SLC25A28: variants seen among roughly 807,000 people sequenced by gnomAD.
The protein encoded by SLC25A28 is solute carrier family 25 member 28.
Under a neutral mutation model 31.9 loss-of-function variants are expected in SLC25A28, and 10 were observed. That is an observed-to-expected ratio of 0.31 (90% CI 0.19 to 0.53). SLC25A28 has a LOEUF of 0.53. Ranked by LOEUF, SLC25A28 falls within the 20% of genes least tolerant of loss-of-function variation. The pLI is 0.95. For missense variants in SLC25A28, 256 were observed against 490.3 expected, an observed-to-expected ratio of 0.52 and a Z score of 4.51; for synonymous variants, 208 against 203.6, an observed-to-expected ratio of 1.02 and a Z score of -0.19.
At chr10:99,639,654 C>A in the SLC25A28 span, among the ~76,000 whole-genome samples, 1 of 151,324 alleles carries the variant, frequency 6.6e-6, no homozygotes, top group African/African-American at 2.4e-5. Flanking sequence ...CCCCCCCATC[C>A]CCCTACTCCG....
chr10:99,617,903 A>G (rs2034695843), intron 1 of SLC25A28: 1 of 529,074 alleles, frequency 1.9e-6, no homozygotes, highest in Non-Finnish European at 2.4e-6. Context: ...GAAGGCTACA[A>G]TTGACTTATT....
chr10:99,617,332 T>C (rs1367894051), intron 1 of SLC25A28: 1 of 985,368 alleles, frequency 1.0e-6, no homozygotes, highest in Non-Finnish European at 1.2e-6. Flanking sequence ...TGACTTCTCA[T>C]GGTCCCTCTC....
chr10:99,657,526 T>C, the SLC25A28 span, among the ~76,000 whole-genome samples: 1 of 151,826 alleles, frequency 6.6e-6, no homozygotes, highest in Non-Finnish European at 1.5e-5. Flanking sequence ...GAACTGAGAA[T>C]TGAAGAAGAA....
At chr10:99,620,809 C>T (rs765786263), upstream of SLC25A28, 135 of 985,486 alleles carry the variant, frequency 1.4e-4, no homozygotes, top group Non-Finnish European at 1.5e-4. Flanking sequence ...AAGAGCGACG[C>T]GCCCAGGGAC....
At chr10:99,636,394 A>C in the SLC25A28 span, among the ~76,000 whole-genome samples, 1 of 152,256 alleles carries the variant, frequency 6.6e-6, no homozygotes, top group Non-Finnish European at 1.5e-5. Flanking sequence ...AAACGAATGG[A>C]AATTTAAAAA....
chr10:99,618,881 T>C (rs1410618722), intron 1 of SLC25A28: 3 of 985,306 alleles, frequency 3.0e-6, no homozygotes, highest in Admixed American at 1.2e-4. Context: ...CTCTCCTCCT[T>C]TTGAATACAT....
rs78178035 is a variant in SLC25A28, at chr10:99,612,471, T to C, written c.577+72A>G. On this transcript the variant is annotated intron_variant, in intron 3 of 3. Transcript: ENST00000370495. ...ACAGAATTTCCCACCAAAACTGATG[T>C]GCTTTCTTCTGCAAACTGTAAAGAA... is the stretch of plus-strand genomic sequence containing the variant. 523 of 1,546,068 alleles carry C rather than the reference T, an allele frequency of 3.4e-4. 4 individuals carry two copies. In the African/African-American group the frequency reaches 6.7e-3, roughly 20 times the overall value.
Position 99,620,274 on chromosome 10 carries a change from C to T in SLC25A28, c.62G>A (p.Arg21Gln). Residue 21 changes from arginine (R) to glutamine (Q), a missense_variant, in exon 1 of 4, where the codon CGG (arginine) becomes CAG (glutamine). By Grantham distance (43) the Arg-to-Gln change is conservative. This residue lies in a region of SLC25A28 where 47 missense variants were observed against 41.4 expected (regional missense o/e 1.14). Transcript: ENST00000370495. ...VAGGPAAGPG[R>Q]SPGESALLDG... Reference sequence around the variant, plus strand: ...CAGCAGCGCCGACTCCCCGGGGCTCCGCCCGGGCCCTGCCGCCGGCCCCCC... The same window carrying T: ...CAGCAGCGCCGACTCCCCGGGGCTCTGCCCGGGCCCTGCCGCCGGCCCCCC... 1 of 1,210,326 alleles carries T rather than the reference C, an allele frequency of 8.3e-7. No individual in the cohort carries two copies. Among genetic ancestry groups the T allele is most frequent in the Non-Finnish European group, 1.0e-6 (1 of 974,394 alleles). 75.0% of individuals were successfully genotyped at this position (1,210,326 alleles called of 1,614,324 possible). A position where few individuals can be genotyped will look rare whatever the true frequency, so the allele number is the denominator to read the frequency against.
At chr10:99,648,381 T>G in the SLC25A28 span, among the ~76,000 whole-genome samples, 1 of 152,136 alleles carries the variant, frequency 6.6e-6, no homozygotes, top group African/African-American at 2.4e-5. Context: ...TCAAAGTGAG[T>G]AATGGATGCC....
upstream of SLC25A28, among the ~76,000 whole-genome samples, chr10:99,623,410 A>G (rs1004483328): frequency 2.0e-5 from 3 of 152,090 alleles, no homozygotes; most frequent in South Asian, 2.1e-4. Flanking sequence ...AGTCTTCATT[A>G]TTTGCCCAAT....
Position 99,620,284 on chromosome 10 carries a change from C to A in SLC25A28, c.52G>T (p.Gly18Trp). Residue 18 changes from glycine to tryptophan, a missense_variant, in exon 1 of 4, where the codon GGG (glycine) becomes TGG (tryptophan). Transcript: ENST00000370495. ...AGGVAGGPAAGPGRSPGESAL... is the reference protein window; with the variant it reads ...AGGVAGGPAAWPGRSPGESAL... ...GACTCCCCGGGGCTCCGCCCGGGCC[C>A]TGCCGCCGGCCCCCCCGCCACACCG... 1 of 1,192,598 alleles carries A rather than the reference C, an allele frequency of 8.4e-7. No individual in the cohort carries two copies. Among genetic ancestry groups the A allele is most frequent in the Non-Finnish European group, 1.0e-6 (1 of 962,780 alleles). The allele number at this position is 1,192,598 out of a possible 1,614,324, so 73.9% of individuals were successfully genotyped here.
upstream of SLC25A28, among the ~76,000 whole-genome samples, chr10:99,624,324 A>C (rs980264891): frequency 4.6e-5 from 7 of 151,222 alleles, no homozygotes; most frequent in Non-Finnish European, 7.4e-5. Flanking sequence ...TAGAACTCCT[A>C]GGCTCAAGCA....
the SLC25A28 span, among the ~76,000 whole-genome samples, chr10:99,648,867 A>G: frequency 6.6e-6 from 1 of 152,028 alleles, no homozygotes; most frequent in Non-Finnish European, 1.5e-5. Context: ...AAAAACCCCA[A>G]AGGGTTTTCT....
chr10:99,626,831 T>C, the SLC25A28 span, among the ~76,000 whole-genome samples: 1 of 151,970 alleles, frequency 6.6e-6, no homozygotes, highest in Non-Finnish European at 1.5e-5. Context: ...AAAATATAAG[T>C]AGAGGGCAGT....
chr10:99,612,525 A>G lies in SLC25A28; in HGVS notation c.577+18T>C. ...CAGGTGCAGCTGCCCACAGAGTGATAGGTTGAGGAATCATTACCTTCCGCA... is the reference window on the plus strand; with the variant it reads ...CAGGTGCAGCTGCCCACAGAGTGATGGGTTGAGGAATCATTACCTTCCGCA... On this transcript the variant is annotated intron_variant, in intron 3 of 3. Coordinates refer to ENST00000370495, the MANE Select transcript of SLC25A28 (RefSeq NM_031212.4). 2 of 1,613,712 alleles carry G rather than the reference A, an allele frequency of 1.2e-6. No homozygotes were observed. The highest frequency in any genetic ancestry group is 1.7e-6 in the Non-Finnish European group (2 of 1,179,662).
intron 1 of SLC25A28, chr10:99,617,187 T>C (rs1287387285): frequency 4.7e-5 from 46 of 985,324 alleles, no homozygotes; most frequent in Non-Finnish European, 5.2e-5. Flanking sequence ...GGTTGCAGAA[T>C]GTCCCCATAG....
At chr10:99,625,439 A>G (rs2034866803), upstream of SLC25A28, among the ~76,000 whole-genome samples, 1 of 152,096 alleles carries the variant, frequency 6.6e-6, no homozygotes, top group African/African-American at 2.4e-5. Context: ...TGTGTTTACA[A>G]TCCTCTAGCT....
Position 99,620,372 on chromosome 10 carries a change from G to C in SLC25A28, c.-37C>G, listed in dbSNP as rs1196570472. 54 of 960,476 alleles carry C rather than the reference G, an allele frequency of 5.6e-5. No individual in the cohort carries two copies. The highest frequency in any genetic ancestry group is 6.2e-5 in the Non-Finnish European group (51 of 826,440). 59.5% of individuals were successfully genotyped at this position (960,476 alleles called of 1,614,324 possible). On this transcript the variant is annotated 5_prime_UTR_variant, in exon 1 of 4. Transcript: ENST00000370495. ...AGCTGCGGCGCCCACCCCCGCCGCCGCTGCCACCACTGCCGCCGCCGCCCC... is the reference window on the plus strand; with the variant it reads ...AGCTGCGGCGCCCACCCCCGCCGCCCCTGCCACCACTGCCGCCGCCGCCCC...
At chr10:99,620,875 C>G, upstream of SLC25A28, 1 of 985,474 alleles carries the variant, frequency 1.0e-6, no homozygotes, top group Non-Finnish European at 1.2e-6. Flanking sequence ...GGTCCCTGTG[C>G]GCGGGATCGC....
Sources: allele counts gnomAD v4.1 joint callset (sites outside exome capture counted in the v4.1 genomes callset), GRCh38; gene constraint gnomAD v4.1.1; regional missense constraint gnomAD v4.1.1; transcripts MANE v1.5; gene names NCBI Gene and HGNC (gene_info 2026-07-23, HGNC 2026-07-21).